MDGA2: variants seen among roughly 807,000 people sequenced by gnomAD.
The protein encoded by MDGA2 is MAM domain containing glycosylphosphatidylinositol anchor 2.
MDGA2 carries 40 observed loss-of-function variants against 117.8 expected under a neutral mutation model. The ratio of observed to expected loss-of-function variants is 0.34; its 90% CI spans 0.26 to 0.44. The LOEUF (loss-of-function observed/expected upper bound fraction) is 0.44, where lower values mean the gene tolerates loss of function less well. Among genes scored for constraint, MDGA2 ranks in the 20% least tolerant of loss-of-function variants. The probability of loss-of-function intolerance (pLI) is 1.00; values close to 1 mark genes in which losing one functional copy is unlikely to be tolerated. For missense variants in MDGA2, 1,123 were observed against 1,250.6 expected, an observed-to-expected ratio of 0.90 and a Z score of 1.54; for synonymous variants, 452 against 439.0, an observed-to-expected ratio of 1.03 and a Z score of -0.37.
rs1185526000 is a variant in MDGA2, at chr14:46,840,643, G to A, written c.*1288C>T. ...TTTAGAATAAAGCCAGATTTTTCAG[G>A]CCCAGTTCCACTGTAGAGTTAGTAT... On this transcript the variant is annotated 3_prime_UTR_variant, in exon 17 of 17. Coordinates refer to ENST00000399232, the MANE Select transcript of MDGA2 (RefSeq NM_001113498.3). The A allele has an allele frequency of 1.3e-5, 2 of 152,500 alleles. No individual in the cohort carries two copies. Among genetic ancestry groups the A allele is most frequent in the Non-Finnish European group, 2.9e-5 (2 of 67,986 alleles). 9.4% of individuals were successfully genotyped at this position (152,500 alleles called of 1,614,324 possible).
intron 1 of MDGA2, among the ~76,000 whole-genome samples, chr14:47,589,967 T>G (rs1896405227): frequency 6.6e-6 from 1 of 151,970 alleles, no homozygotes; most frequent in Non-Finnish European, 1.5e-5. Context: ...TTTGGATTGT[T>G]CATTTGCCAG....
intron 14 of MDGA2, among the ~76,000 whole-genome samples, chr14:46,858,420 CTTTTTT>C (rs1290946615): frequency 1.2e-4 from 13 of 109,808 alleles, no homozygotes; most frequent in African/African-American, 4.1e-4. Flanking sequence ...TTTTCTTTTT[CTTTTTT>C]TCTTTTTTTT....
intron 7 of MDGA2, among the ~76,000 whole-genome samples, chr14:47,053,818 G>A (rs981815900): frequency 1.3e-5 from 2 of 151,614 alleles, no homozygotes; most frequent in Non-Finnish European, 2.9e-5. Flanking sequence ...ATTCTCTGCT[G>A]GTTATTTCGC....
At chr14:47,571,582 G>T (rs1224335813) in intron 1 of MDGA2, among the ~76,000 whole-genome samples, 1 of 152,062 alleles carries the variant, frequency 6.6e-6, no homozygotes, top group Non-Finnish European at 1.5e-5. Flanking sequence ...CCATAAAAAA[G>T]GATGAGTTCA....
At chr14:47,284,460 G>C (rs1436163219) in intron 2 of MDGA2, among the ~76,000 whole-genome samples, 1 of 152,152 alleles carries the variant, frequency 6.6e-6, no homozygotes, top group Non-Finnish European at 1.5e-5. Flanking sequence ...CTTTGCCATT[G>C]GACTCAAGCC....
At chr14:47,168,781 C>T (rs960378514) in intron 3 of MDGA2, among the ~76,000 whole-genome samples, 1 of 152,006 alleles carries the variant, frequency 6.6e-6, no homozygotes, top group Non-Finnish European at 1.5e-5. Context: ...GCTGAAATTT[C>T]ACAGCAAAGT....
intron 5 of MDGA2, among the ~76,000 whole-genome samples, chr14:47,114,369 A>T (rs1287423652): frequency 1.3e-5 from 2 of 152,150 alleles, no homozygotes; most frequent in African/African-American, 4.8e-5. Context: ...TATACATTCA[A>T]TGCTATTCTA....
intron 1 of MDGA2, among the ~76,000 whole-genome samples, chr14:47,605,601 C>T (rs1211027193): frequency 6.6e-6 from 1 of 151,736 alleles, no homozygotes; most frequent in African/African-American, 2.4e-5. Context: ...AGGCAATGCC[C>T]AATGTTCCCA....
intron 2 of MDGA2, among the ~76,000 whole-genome samples, chr14:47,281,949 G>A: frequency 6.6e-6 from 1 of 151,648 alleles, no homozygotes; most frequent in Non-Finnish European, 1.5e-5. Context: ...CAGCTACTCG[G>A]GAGGCTGAGG....
chr14:47,272,167 G>C (rs1215247539), intron 2 of MDGA2, among the ~76,000 whole-genome samples: 2 of 152,080 alleles, frequency 1.3e-5, no homozygotes, highest in Non-Finnish European at 2.9e-5. Context: ...ACTAATGAAA[G>C]AGCAATTGTT....
At position 46,967,240 on chromosome 14, in the gene MDGA2, A is replaced by C. The variant is rs573832296; in HGVS notation, c.1820-9597T>G. ...CCTGTCTATTTGGAGGACTTCGTAT[A>C]AGTACAATCTTAATTATTTAACCAT... On this transcript the variant is annotated intron_variant, in intron 8 of 16. Coordinates refer to ENST00000399232, the MANE Select transcript of MDGA2 (RefSeq NM_001113498.3). Among the ~76,000 whole-genome samples, 52 of 152,274 alleles carry C rather than the reference A, an allele frequency of 3.4e-4. 1 individual carries two copies. In the South Asian group the frequency reaches 8.9e-3, roughly 26 times the overall value.
chr14:47,389,160 C>G (rs1594831996), intron 1 of MDGA2, among the ~76,000 whole-genome samples: 1 of 143,270 alleles, frequency 7.0e-6, no homozygotes, highest in African/African-American at 3.0e-5. Context: ...TTTTCAAATA[C>G]ATCCAGCACA....
chr14:46,974,547 G>C (rs1886383426), intron 8 of MDGA2, among the ~76,000 whole-genome samples: 2 of 152,052 alleles, frequency 1.3e-5, no homozygotes, highest in African/African-American at 4.8e-5. Flanking sequence ...CAATCAAACA[G>C]AATGGAGAAC....
intron 3 of MDGA2, among the ~76,000 whole-genome samples, chr14:47,189,305 C>T (rs1885025382): frequency 6.6e-6 from 1 of 152,058 alleles, no homozygotes; most frequent in African/African-American, 2.4e-5. Context: ...TACTGCAATC[C>T]CACATGATAC....
At chr14:47,301,829 G>A (rs1486917343) in intron 1 of MDGA2, among the ~76,000 whole-genome samples, 2 of 152,158 alleles carry the variant, frequency 1.3e-5, no homozygotes, top group Admixed American at 6.5e-5. Flanking sequence ...AAATTTGATT[G>A]TTAAAATGTG....
rs149172524 is a variant in MDGA2 at position 47,305,820 on chromosome 14, A to G, written c.281-4270T>C. Among the ~76,000 whole-genome samples the G allele has an allele frequency of 1.1e-4, 17 of 152,304 alleles. 1 individual carries two copies. In the East Asian group the frequency reaches 3.1e-3, roughly 28 times the overall value. Reference sequence around the variant, plus strand: ...AGACACTCTAACAGAAGAAAATGAAAAGTACTAAACAAAGACAAAGCAGAC... The same window carrying G: ...AGACACTCTAACAGAAGAAAATGAAGAGTACTAAACAAAGACAAAGCAGAC... On this transcript the variant is annotated intron_variant, in intron 1 of 16. Coordinates refer to ENST00000399232, the MANE Select transcript of MDGA2 (RefSeq NM_001113498.3).
chr14:46,860,837 T>C (rs1459401430), intron 14 of MDGA2, among the ~76,000 whole-genome samples: 2 of 152,012 alleles, frequency 1.3e-5, no homozygotes, highest in African/African-American at 4.8e-5. Context: ...TTATATGCTT[T>C]GTTAAATATA....
intron 1 of MDGA2, among the ~76,000 whole-genome samples, chr14:47,578,433 G>T (rs1896165441): frequency 6.6e-6 from 1 of 151,946 alleles, no homozygotes; most frequent in Non-Finnish European, 1.5e-5. Context: ...TTTAAAAAAA[G>T]AAATAAACTG....
chr14:47,413,213 T>C (rs1233044785), intron 1 of MDGA2, among the ~76,000 whole-genome samples: 1 of 152,164 alleles, frequency 6.6e-6, no homozygotes, highest in Non-Finnish European at 1.5e-5. Flanking sequence ...TGACTGGAAG[T>C]AAACATTAGA....
Sources: gnomAD v4.1 joint callset for allele counts (sites outside exome capture counted in the v4.1 genomes callset) on GRCh38, gnomAD v4.1.1 for gene constraint, MANE v1.5 for transcripts, NCBI Gene and HGNC (gene_info 2026-07-23, HGNC 2026-07-21) for gene names.